The following MDM4 variants were observed in gnomAD, a reference collection of about 807,000 sequenced individuals.
MDM4 encodes the protein protein Mdm4.
A neutral mutation model predicts 60.2 loss-of-function variants in MDM4; 2 were observed. The observed-to-expected ratio is 0.03, with a 90% CI of 0.01 to 0.10. The LOEUF (loss-of-function observed/expected upper bound fraction) is 0.10. MDM4 is among the 10% of genes least tolerant of loss of function. The pLI is 1.00. For missense variants in MDM4, 447 were observed against 577.5 expected (o/e 0.77, Z 2.32); for synonymous variants, 202 against 198.1 (o/e 1.02, Z -0.17).
chr1:204,535,869 G>A (rs1258773342), intron 5 of MDM4, among the ~76,000 whole-genome samples: 1 of 152,088 alleles, frequency 6.6e-6, no homozygotes, highest in East Asian at 1.9e-4. Flanking sequence ...TTACATTGTG[G>A]TTTCACCAGA....
At chr1:204,522,676 A>T (rs1659685314) in intron 1 of MDM4, among the ~76,000 whole-genome samples, 1 of 152,076 alleles carries the variant, frequency 6.6e-6, no homozygotes, top group African/African-American at 2.4e-5. Context: ...AAGTGCTGAG[A>T]TTATAGGCGT....
chr1:204,525,442 T>C (rs538659934), intron 1 of MDM4, 42 bp from the exon 2 acceptor site: 2 of 1,533,240 alleles, frequency 1.3e-6, no homozygotes, highest in Admixed American at 4.3e-5. Flanking sequence ...TAGGGAATTT[T>C]CTGCATTAGA....
chr1:204,534,944 G>GC (rs1230302243), intron 5 of MDM4, among the ~76,000 whole-genome samples: 6 of 151,980 alleles, frequency 3.9e-5, no homozygotes, highest in Admixed American at 6.6e-5. Flanking sequence ...CCAGAAAATT[G>GC]CCCCAAGTAA....
intron 10 of MDM4, among the ~76,000 whole-genome samples, chr1:204,547,825 G>A (rs938902196): frequency 6.6e-6 from 1 of 152,192 alleles, no homozygotes; most frequent in African/African-American, 2.4e-5. Context: ...CCGGCTTCGA[G>A]CGATTCTCCT....
rs1375960070 is a variant in MDM4, at chr1:204,554,722, A to G, written c.*5040A>G. 4.4e-6 allele frequency: 1 copy of G among 227,120 alleles called. No individual in the cohort carries two copies. Among genetic ancestry groups the G allele is most frequent in the Non-Finnish European group, 8.7e-6 (1 of 114,418 alleles). 14.1% of individuals were successfully genotyped at this position (227,120 alleles called of 1,614,324 possible). ...GTGGCTCCCCAGGCCTAATTTGGGA[A>G]CAGTTTTTCCTGATTGCTTTGAGAA... On this transcript the variant is annotated 3_prime_UTR_variant, in exon 11 of 11. Coordinates refer to ENST00000367182, the MANE Select transcript of MDM4 (RefSeq NM_002393.5).
rs1663205184 is a variant in MDM4, at chr1:204,551,501, G to A, written c.*1819G>A. On this transcript the variant is annotated 3_prime_UTR_variant, in exon 11 of 11. Coordinates refer to ENST00000367182, the MANE Select transcript of MDM4 (RefSeq NM_002393.5). ...TTTTTTTTTTTTTTTGGAGGATAGG[G>A]AGTATGGCTGTTGTGAAAAGGGAGG... 5.6e-6 allele frequency: 1 copy of A among 177,820 alleles called. No individual in the cohort carries two copies. The highest frequency in any genetic ancestry group is 1.0e-5 in the Non-Finnish European group (1 of 98,018). The allele number at this position is 177,820 out of a possible 1,614,324, so 11.0% of individuals were successfully genotyped here.
At chr1:204,532,777 C>G (rs767260960) in intron 5 of MDM4, 3 of 1,610,004 alleles carry the variant, frequency 1.9e-6, no homozygotes, top group Non-Finnish European at 2.5e-6. Flanking sequence ...AGAAATGGGT[C>G]ATTTGTTCTG....
chr1:204,530,584 T>C (rs895420525), intron 3 of MDM4, 100 bp from the exon 4 acceptor site: 57 of 1,480,598 alleles, frequency 3.8e-5, no homozygotes, highest in Non-Finnish European at 5.0e-5. Context: ...AAATATGTTA[T>C]TTCTTTCTTT....
chr1:204,524,791 TAAAC>T (rs956746403), intron 1 of MDM4, among the ~76,000 whole-genome samples: 3 of 152,190 alleles, frequency 2.0e-5, no homozygotes, highest in African/African-American at 4.8e-5. Context: ...AATAAATAAA[TAAAC>T]AATCTATCTT....
intron 9 of MDM4, 28 bp downstream of exon 9, chr1:204,544,712 TTC>T (rs2102429240): frequency 6.3e-7 from 1 of 1,597,500 alleles, no homozygotes; most frequent in East Asian, 2.3e-5. Flanking sequence ...TCCATGTTGA[TTC>T]TGTTTGTGTG....
rs1663566355 is a variant in MDM4 at position 204,556,784 on chromosome 1, G to A, written c.*7102G>A. 9.3e-6 allele frequency: 2 copies of A among 214,442 alleles called. No individual in the cohort carries two copies. Among genetic ancestry groups the A allele is most frequent in the Non-Finnish European group, 1.9e-5 (2 of 106,246 alleles). 13.3% of individuals were successfully genotyped at this position (214,442 alleles called of 1,614,324 possible). ...CACTTTCTTTTCAATGAGAATCGAAGTGTTTCTTTTGGGTTTTTTTTTCCC... is the reference window on the plus strand; with the variant it reads ...CACTTTCTTTTCAATGAGAATCGAAATGTTTCTTTTGGGTTTTTTTTTCCC... On this transcript the variant is annotated 3_prime_UTR_variant, in exon 11 of 11. Coordinates refer to ENST00000367182, the MANE Select transcript of MDM4 (RefSeq NM_002393.5).
chr1:204,529,606 G>C (rs188867238), intron 3 of MDM4: 37 of 1,263,380 alleles, frequency 2.9e-5, no homozygotes, highest in Middle Eastern at 4.9e-4. Flanking sequence ...CCACTACTGG[G>C]GGGGGTCCAA....
At chr1:204,546,430 T>G (rs989120909) in intron 9 of MDM4, among the ~76,000 whole-genome samples, 6 of 152,168 alleles carry the variant, frequency 3.9e-5, no homozygotes, top group Admixed American at 2.6e-4. Flanking sequence ...TTCAAACTCC[T>G]GGGCTCAAGG....
At chr1:204,538,949 A>AGCCTCC (rs1247116873) in intron 7 of MDM4, among the ~76,000 whole-genome samples, 5 of 144,622 alleles carry the variant, frequency 3.5e-5, no homozygotes, top group African/African-American at 1.3e-4. Flanking sequence ...AGCTCACCGC[A>AGCCTCC]GCCTCCGCCT....
rs545238057 is a variant in MDM4 at position 204,530,839 on chromosome 1, G to A, written c.287+22G>A. The stretch of plus-strand genomic sequence containing the variant: ...CAAGGTAAAAACAGTGAGGGCTTGC[G>A]TATCTTTTTGGGTGCTTATACCTAG... On this transcript the variant is annotated intron_variant, in intron 4 of 10. Transcript: ENST00000367182. The A allele has an allele frequency of 9.9e-6, 16 of 1,614,072 alleles. No individual in the cohort carries two copies. The East Asian group carries it at 1.6e-4, about 16-fold the overall frequency.
chr1:204,523,445 C>T (rs1307175578), intron 1 of MDM4, among the ~76,000 whole-genome samples: 25 of 138,316 alleles, frequency 1.8e-4, no homozygotes, highest in East Asian at 1.4e-3. Context: ...CCAGCCTGGG[C>T]GACAGAGCGA....
chr1:204,543,382 TA>T (rs1485079623), intron 8 of MDM4, among the ~76,000 whole-genome samples: 2 of 152,246 alleles, frequency 1.3e-5, no homozygotes, highest in African/African-American at 2.4e-5. Context: ...GCGCCTGTTT[TA>T]CTATAGTAAT....
At position 204,550,125 on chromosome 1, in the gene MDM4, C is replaced by CCCTA. The variant is rs1173472979; in HGVS notation, c.*444_*447dup. 8 of 221,952 alleles carry CCCTA rather than the reference C, an allele frequency of 3.6e-5. No homozygotes were observed. Among genetic ancestry groups the CCCTA allele is most frequent in the Non-Finnish European group, 7.1e-5 (8 of 113,206 alleles). 13.7% of individuals were successfully genotyped at this position (221,952 alleles called of 1,614,324 possible). On this transcript the variant is annotated 3_prime_UTR_variant, in exon 11 of 11. Transcript: ENST00000367182. ...TCCTTCAGCTATTTCATGGCTCTCA[C>CCCTA]CCTAGTTTTTTTTTTTTTTGCACTT...
rs1663548430 is a variant in MDM4 at position 204,556,523 on chromosome 1, C to G, written c.*6841C>G. 4.7e-6 allele frequency: 1 copy of G among 211,032 alleles called. No individual in the cohort carries two copies. Among genetic ancestry groups the G allele is most frequent in the African/African-American group, 2.3e-5 (1 of 44,010 alleles). 13.1% of individuals were successfully genotyped at this position (211,032 alleles called of 1,614,324 possible). A position where few individuals can be genotyped will look rare whatever the true frequency, so the allele number is the denominator to read the frequency against. On this transcript the variant is annotated 3_prime_UTR_variant, in exon 11 of 11. Transcript: ENST00000367182. ...ACCAGCCTGGGCAACATGGTGAAAC[C>G]CTGTCTCTACCAAAAATACAAAAAA...
Sources: allele counts gnomAD v4.1 joint callset (sites outside exome capture counted in the v4.1 genomes callset), GRCh38; gene constraint gnomAD v4.1.1; transcripts MANE v1.5; gene names NCBI Gene and HGNC (gene_info 2026-07-23, HGNC 2026-07-21).